EP300: variants seen among roughly 807,000 people sequenced by gnomAD.
EP300 encodes the protein EP300 lysine acetyltransferase, also known as histone acetyltransferase p300.
A neutral mutation model predicts 264.0 loss-of-function variants in EP300; 31 were observed. The ratio of observed to expected loss-of-function variants is 0.12; its 90% CI spans 0.09 to 0.16. The LOEUF is 0.16. Ranked by LOEUF, EP300 falls within the 10% of genes least tolerant of loss-of-function variation. The probability of loss-of-function intolerance (pLI) is 1.00; values close to 1 mark genes in which losing one functional copy is unlikely to be tolerated. For missense variants in EP300, 2,766 were observed against 3,052.9 expected (o/e 0.91, Z 2.21); for synonymous variants, 1,340 against 1,045.4 (o/e 1.28, Z -5.44).
intron 5 of EP300, among the ~76,000 whole-genome samples, chr22:41,130,807 CTT>C (rs560195394): frequency 1.4e-5 from 2 of 143,464 alleles, no homozygotes; most frequent in African/African-American, 2.6e-5. Flanking sequence ...TATAGAAGAG[CTT>C]TTTTTTTTTA....
intron 1 of EP300, among the ~76,000 whole-genome samples, chr22:41,112,793 G>T (rs368124068): frequency 6.6e-6 from 1 of 151,486 alleles, no homozygotes; most frequent in Admixed American, 6.6e-5. Flanking sequence ...TAAACAATTC[G>T]GATATGGTGC....
rs2058919302 is a variant in EP300, at chr22:41,131,505, C to G, written c.1400C>G (p.Ala467Gly). Reference protein sequence around the residue: ...SQIDPSSIERAYAALGLPYQV... With the variant: ...SQIDPSSIERGYAALGLPYQV... ...ATTGATCCCAGCTCCATAGAAAGAGCCTATGCAGCTCTTGGACTACCCTAT... is the reference window on the plus strand; with the variant it reads ...ATTGATCCCAGCTCCATAGAAAGAGGCTATGCAGCTCTTGGACTACCCTAT... The change falls in exon 6 of 31, where the codon GCC (alanine) becomes GGC (glycine). Residue 467 changes from alanine to glycine, a missense_variant. Ala to Gly is a moderately conservative substitution (Grantham distance 60, BLOSUM62 0). Coordinates refer to ENST00000263253, the MANE Select transcript of EP300 (RefSeq NM_001429.4). 2 of 1,613,960 alleles carry G rather than the reference C, an allele frequency of 1.2e-6. No homozygotes were observed. Among genetic ancestry groups the G allele is most frequent in the Non-Finnish European group, 1.7e-6 (2 of 1,180,042 alleles).
chr22:41,166,576 G>C, intron 22 of EP300, 23 bp from the exon 23 acceptor site: 1 of 1,602,824 alleles, frequency 6.2e-7, no homozygotes, highest in Non-Finnish European at 8.5e-7. Context: ...AGTTGTGTAA[G>C]CAAAGTTTTG....
At chr22:41,136,151 G>T (rs2063839184) in intron 7 of EP300, among the ~76,000 whole-genome samples, 2 of 152,116 alleles carry the variant, frequency 1.3e-5, no homozygotes, top group Admixed American at 1.3e-4. Flanking sequence ...TCAGCCTCCT[G>T]AGTAGCTGGG....
Position 41,178,238 on chromosome 22 carries a change from C to T in EP300, c.6527C>T (p.Pro2176Leu), listed in dbSNP as rs746871804. ...ATGAACATGAACCACAACACCATGC[C>T]TTCACAATTCCGAGACATCTTGAGA... Reference protein sequence around the residue: ...QQMNMNHNTMPSQFRDILRRQ... With the variant: ...QQMNMNHNTMLSQFRDILRRQ... Residue 2176 changes from proline to leucine, a missense_variant, in exon 31 of 31, where the codon CCT becomes CTT. Coordinates refer to ENST00000263253, the MANE Select transcript of EP300 (RefSeq NM_001429.4). 1.2e-6 allele frequency: 2 copies of T among 1,614,092 alleles called. No individual in the cohort carries two copies. The highest frequency in any genetic ancestry group is 1.1e-5 in the South Asian group (1 of 91,088).
intron 1 of EP300, among the ~76,000 whole-genome samples, chr22:41,098,607 G>A (rs778465821): frequency 2.0e-5 from 3 of 152,174 alleles, no homozygotes; most frequent in Non-Finnish European, 2.9e-5. Flanking sequence ...CACTGACCTC[G>A]TGATCCGCCC....
chr22:41,164,806 T>G (rs1179184241), intron 22 of EP300, among the ~76,000 whole-genome samples: 1 of 152,062 alleles, frequency 6.6e-6, no homozygotes, highest in Non-Finnish European at 1.5e-5. Flanking sequence ...GGGTCACCAT[T>G]TGGTTAGGGC....
intron 3 of EP300, 127 bp downstream of exon 3, chr22:41,126,167 C>T (rs1212346345): frequency 5.5e-6 from 5 of 911,414 alleles, no homozygotes; most frequent in East Asian, 5.1e-5. Flanking sequence ...TTGATATGTA[C>T]TTGATGATCC....
chr22:41,124,234 GAC>G (rs1201958199), intron 2 of EP300, among the ~76,000 whole-genome samples: 2 of 152,222 alleles, frequency 1.3e-5, no homozygotes, highest in Non-Finnish European at 2.9e-5. Context: ...GACAGAGCGA[GAC>G]TTTGTCTCAA....
At chr22:41,154,376 C>CT (rs869304891) in intron 16 of EP300, among the ~76,000 whole-genome samples, 618 of 61,740 alleles carry the variant, frequency 0.01, 55 homozygotes, top group African/African-American at 0.018. Context: ...CTTGTGCACT[C>CT]TTTTTTTTTT....
intron 1 of EP300, among the ~76,000 whole-genome samples, chr22:41,101,992 A>G (rs566500030): frequency 6.6e-6 from 1 of 151,334 alleles, no homozygotes; most frequent in Non-Finnish European, 1.5e-5. Context: ...ATTACTTGTA[A>G]TATACTCTCA....
Position 41,164,100 on chromosome 22 carries a change from T to A in EP300, c.3776T>A (p.Val1259Asp). The part of the protein sequence containing the change: ...ECGRKMHQIC[V>D]LHHEIIWPAG... Reference sequence around the variant, plus strand: ...GGAAGAAAGATGCATCAGATCTGTGTCCTTCACCATGAGATCATCTGGCCT... The same window carrying A: ...GGAAGAAAGATGCATCAGATCTGTGACCTTCACCATGAGATCATCTGGCCT... Residue 1259 changes from valine (V) to aspartate (D), a missense_variant, in exon 22 of 31, where the codon GTC becomes GAC. Transcript: ENST00000263253. 1 of 1,614,180 alleles carries A rather than the reference T, an allele frequency of 6.2e-7. No individual in the cohort carries two copies.
intron 8 of EP300, among the ~76,000 whole-genome samples, chr22:41,139,352 T>C (rs900632173): frequency 1.3e-5 from 2 of 152,264 alleles, no homozygotes; most frequent in African/African-American, 4.8e-5. Flanking sequence ...ATAACCGATC[T>C]CTTATTTTGT....
At chr22:41,130,385 T>C (rs1239693159) in intron 5 of EP300, among the ~76,000 whole-genome samples, 2 of 152,112 alleles carry the variant, frequency 1.3e-5, no homozygotes, top group African/African-American at 4.8e-5. Context: ...AGACCTTGTA[T>C]CTTCCAAAAA....
intron 1 of EP300, among the ~76,000 whole-genome samples, chr22:41,110,758 T>A (rs2058785588): frequency 6.6e-6 from 1 of 151,990 alleles, no homozygotes; most frequent in Non-Finnish European, 1.5e-5. Context: ...CTGTGTATAC[T>A]TTAGAATCAT....
Position 41,139,625 on chromosome 22 carries a change from G to A in EP300, c.1761-515G>A, listed in dbSNP as rs1003039040. On this transcript the variant is annotated intron_variant, in intron 8 of 30. Transcript: ENST00000263253. ...GTGCAAAACATTTTGTTAGGGAATT[G>A]CATGAAAGTGAAAAACTGAATCTAA... is the stretch of plus-strand genomic sequence containing the variant. Among the ~76,000 whole-genome samples, 10 of 152,138 alleles carry A rather than the reference G, an allele frequency of 6.6e-5. No individual in the cohort carries two copies. In the South Asian group the frequency reaches 1.2e-3, roughly 19 times the overall value.
intron 22 of EP300, among the ~76,000 whole-genome samples, chr22:41,166,051 C>A (rs1299543609): frequency 6.6e-6 from 1 of 152,220 alleles, no homozygotes; most frequent in African/African-American, 2.4e-5. Flanking sequence ...TCCCAAAGTA[C>A]TGGGATTACA....
At chr22:41,096,162 CA>C (rs950010381) in intron 1 of EP300, among the ~76,000 whole-genome samples, 11 of 145,278 alleles carry the variant, frequency 7.6e-5, no homozygotes, top group Non-Finnish European at 9.1e-5. Flanking sequence ...CCTCTCCCTC[CA>C]AAAAAAAAAG....
At chr22:41,121,421 G>C (rs1039516801) in intron 2 of EP300, among the ~76,000 whole-genome samples, 1 of 152,116 alleles carries the variant, frequency 6.6e-6, no homozygotes, top group Non-Finnish European at 1.5e-5. Flanking sequence ...AGATAGAAGG[G>C]GCAGTGATCT....
Sources: gnomAD v4.1 joint callset for allele counts (sites outside exome capture counted in the v4.1 genomes callset) on GRCh38, gnomAD v4.1.1 for gene constraint, MANE v1.5 for transcripts, NCBI Gene and HGNC (gene_info 2026-07-23, HGNC 2026-07-21) for gene names.